Variants in DIAPH1 observed in about 807,000 individuals in gnomAD.
DIAPH1 encodes diaphanous related formin 1.
In DIAPH1, 46 loss-of-function variants were observed where a neutral mutation model predicts 140.7. That is an observed-to-expected ratio of 0.33 (90% CI 0.26 to 0.42). The LOEUF is 0.42. Among genes scored for constraint, DIAPH1 ranks in the 10% least tolerant of loss-of-function variants. DIAPH1 has a pLI of 1.00. For synonymous variants in DIAPH1, 565 were observed against 551.6 expected (o/e 1.02, Z -0.34); for missense variants, 1,310 against 1,558.7 (o/e 0.84, Z 2.69).
At chr5:141,581,358 A>G (rs1051298341) in intron 7 of DIAPH1, among the ~76,000 whole-genome samples, 1 of 152,192 alleles carries the variant, frequency 6.6e-6, no homozygotes, top group African/African-American at 2.4e-5. Flanking sequence ...TGAGATAATA[A>G]ATTTCTGTTA....
At chr5:141,610,012 G>A (rs949119735) in intron 1 of DIAPH1, among the ~76,000 whole-genome samples, 1 of 152,242 alleles carries the variant, frequency 6.6e-6, no homozygotes. Flanking sequence ...GAAGAAAAGA[G>A]AGAAGCCGAG....
intron 16 of DIAPH1, among the ~76,000 whole-genome samples, 193 bp from the exon 17 acceptor site, chr5:141,572,233 T>G (rs2099895297): frequency 6.6e-6 from 1 of 152,200 alleles, no homozygotes; most frequent in Non-Finnish European, 1.5e-5. Flanking sequence ...TGTTAATTGG[T>G]GATTATTCAA....
chr5:141,534,870 T>C (rs1390470415), intron 18 of DIAPH1, among the ~76,000 whole-genome samples: 3 of 152,220 alleles, frequency 2.0e-5, no homozygotes, highest in Non-Finnish European at 4.4e-5. Context: ...TGGTTAGTAG[T>C]AGTTCAGCAG....
intron 18 of DIAPH1, among the ~76,000 whole-genome samples, chr5:141,546,016 A>G (rs2099890739): frequency 6.6e-6 from 1 of 152,258 alleles, no homozygotes; most frequent in African/African-American, 2.4e-5. Flanking sequence ...TATAAAAAAC[A>G]GAAATATAAT....
At chr5:141,526,740 G>A (rs142781346) in intron 24 of DIAPH1, among the ~76,000 whole-genome samples, 2 of 152,162 alleles carry the variant, frequency 1.3e-5, no homozygotes, top group African/African-American at 4.8e-5. Context: ...TTCTATCGCC[G>A]GGCAGGAGTG....
intron 12 of DIAPH1, 65 bp downstream of exon 12, chr5:141,577,409 AT>A: frequency 1.8e-6 from 2 of 1,134,962 alleles, no homozygotes; most frequent in Non-Finnish European, 2.7e-6. Context: ...CAATCTTTGA[AT>A]TTAAGGAATT....
At position 141,527,654 on chromosome 5, in the gene DIAPH1, T is replaced by C. The variant is rs1308916426; in HGVS notation, c.3192A>G (p.Lys1064=). 6.2e-7 allele frequency: 1 copy of C among 1,610,708 alleles called. No individual in the cohort carries two copies. Among genetic ancestry groups the C allele is most frequent in the East Asian group, 2.2e-5 (1 of 44,830 alleles). ...NLQKNLDQMK[K]QISDVERDVQ... The stretch of plus-strand genomic sequence containing the variant: ...CATCACGTTCCACATCAGAAATTTG[T>C]TTCTTCATCTGATCTAGGTTCTTTT... The change falls in exon 24 of 28, where the codon AAA becomes AAG. Residue 1064 remains lysine, a synonymous_variant. Coordinates refer to ENST00000389054, the MANE Select transcript of DIAPH1 (RefSeq NM_005219.5).
At chr5:141,569,484 CG>C (rs1258311795) in intron 18 of DIAPH1, among the ~76,000 whole-genome samples, 2 of 152,090 alleles carry the variant, frequency 1.3e-5, no homozygotes, top group Admixed American at 1.3e-4. Flanking sequence ...TAAGGATGGC[CG>C]GGCACAGTGG....
chr5:141,601,128 A>G (rs1349258552), intron 1 of DIAPH1, among the ~76,000 whole-genome samples: 12 of 152,150 alleles, frequency 7.9e-5, no homozygotes. Flanking sequence ...CCTAATGTAA[A>G]TTACAAGTTA....
chr5:141,533,403 A>G (rs1369914997), intron 19 of DIAPH1, among the ~76,000 whole-genome samples: 1 of 152,258 alleles, frequency 6.6e-6, no homozygotes, highest in Non-Finnish European at 1.5e-5. Context: ...TTTTGCTACC[A>G]AAGAGTTACG....
chr5:141,612,052 A>G (rs2099901934), intron 1 of DIAPH1, among the ~76,000 whole-genome samples: 1 of 152,270 alleles, frequency 6.6e-6, no homozygotes, highest in African/African-American at 2.4e-5. Flanking sequence ...GAGCGACGAG[A>G]GTGAAACTCT....
In DIAPH1 at chr5:141,598,187, CAT is replaced by C. The variant is rs552880800; in HGVS notation, c.118-9939_118-9938del. ...CAGTGGCAATGCCAACTTTTATACA[CAT>C]GTTAGATTTTTGTTTCTTAAGTTTT... On this transcript the variant is annotated intron_variant, in intron 1 of 27. Coordinates refer to ENST00000389054, the MANE Select transcript of DIAPH1 (RefSeq NM_005219.5). Among the ~76,000 whole-genome samples, 222 of 152,266 alleles carry C rather than the reference CAT, an allele frequency of 1.5e-3. 1 individual carries two copies. The highest frequency in any genetic ancestry group is 0.014 in the Middle Eastern group (4 of 294).
chr5:141,582,085 AAAGAG>A, intron 7 of DIAPH1: 2 of 412,666 alleles, frequency 4.8e-6, no homozygotes, highest in South Asian at 3.7e-5. Flanking sequence ...AAAAAAAAAA[AAAGAG>A]AGAGAAACAA....
At chr5:141,618,121 T>A (rs1272120788) in intron 1 of DIAPH1, among the ~76,000 whole-genome samples, 2 of 152,238 alleles carry the variant, frequency 1.3e-5, no homozygotes, top group Non-Finnish European at 2.9e-5. Context: ...AGAGAGAGGT[T>A]CTCTGGAGAG....
chr5:141,525,793 G>C (rs2154594947), intron 26 of DIAPH1, among the ~76,000 whole-genome samples: 1 of 152,304 alleles, frequency 6.6e-6, no homozygotes, highest in Non-Finnish European at 1.5e-5. Context: ...CACAATCACA[G>C]GGGAATGAGA....
intron 1 of DIAPH1, among the ~76,000 whole-genome samples, chr5:141,604,713 C>G (rs2099900671): frequency 1.3e-5 from 2 of 152,054 alleles, no homozygotes; most frequent in South Asian, 4.1e-4. Flanking sequence ...TTTTTGTATC[C>G]TCACACCACT....
chr5:141,598,374 T>C (rs1209468836), intron 1 of DIAPH1, among the ~76,000 whole-genome samples: 1 of 152,182 alleles, frequency 6.6e-6, no homozygotes, highest in African/African-American at 2.4e-5. Context: ...TTTAATAGAA[T>C]TGCATGTATT....
chr5:141,578,464 T>C, intron 10 of DIAPH1, 51 bp downstream of exon 10: 1 of 1,551,382 alleles, frequency 6.4e-7, no homozygotes, highest in Non-Finnish European at 8.9e-7. Flanking sequence ...ATTGGGGCTG[T>C]AGAGCAAGAA....
At chr5:141,580,388 T>C (rs892257766) in intron 8 of DIAPH1, among the ~76,000 whole-genome samples, 4 of 152,314 alleles carry the variant, frequency 2.6e-5, no homozygotes, top group African/African-American at 9.6e-5. Flanking sequence ...GGCAGTTAAA[T>C]TTTACTTTAT....
Sources: gnomAD v4.1 joint callset for allele counts (sites outside exome capture counted in the v4.1 genomes callset) on GRCh38, gnomAD v4.1.1 for gene constraint, MANE v1.5 for transcripts, NCBI Gene and HGNC (gene_info 2026-07-23, HGNC 2026-07-21) for gene names.